SYT16: variants seen among roughly 807,000 people sequenced by gnomAD.
The protein encoded by SYT16 is synaptotagmin 16, also known as synaptotagmin-16.
In SYT16, 42 loss-of-function variants were observed where a neutral mutation model predicts 61.4. The observed-to-expected ratio is 0.68, with a 90% CI of 0.53 to 0.89. SYT16 has a LOEUF of 0.89. Among genes scored for constraint, SYT16 ranks in the 40% least tolerant of loss-of-function variants. The probability of loss-of-function intolerance (pLI) is 0.00; values close to 1 mark genes in which losing one functional copy is unlikely to be tolerated. For synonymous variants in SYT16, 314 were observed against 302.3 expected (o/e 1.04, Z -0.40); for missense variants, 804 against 807.3 (o/e 1.00, Z 0.05).
chr14:61,854,006 C>T (rs1475216081), intron 1 of SYT16, among the ~76,000 whole-genome samples: 2 of 152,108 alleles, frequency 1.3e-5, no homozygotes, highest in African/African-American at 4.8e-5. Context: ...AATCTATGAA[C>T]ATCATAGTTT....
chr14:61,913,706 G>GTGTGTGTGTGTGTA (rs1418622287), intron 1 of SYT16, among the ~76,000 whole-genome samples: 1 of 150,524 alleles, frequency 6.6e-6, no homozygotes, highest in African/African-American at 2.4e-5. Context: ...TTGGGTCTTT[G>GTGTGTGTGTGTGTA]TGTGTGTGTG....
intron 2 of SYT16, among the ~76,000 whole-genome samples, chr14:61,980,161 T>C (rs1484371106): frequency 6.6e-6 from 1 of 152,210 alleles, no homozygotes; most frequent in Non-Finnish European, 1.5e-5. Flanking sequence ...GTCCCTAGTG[T>C]GGAAGCACAC....
chr14:62,049,351 AT>A (rs1444163113), intron 3 of SYT16, among the ~76,000 whole-genome samples: 1 of 151,826 alleles, frequency 6.6e-6, no homozygotes, highest in Admixed American at 6.6e-5. Context: ...CCATCCCTTT[AT>A]TTTGAGCATA....
chr14:62,055,960 G>A (rs2140903457), intron 3 of SYT16, among the ~76,000 whole-genome samples: 1 of 152,208 alleles, frequency 6.6e-6, no homozygotes, highest in South Asian at 2.1e-4. Flanking sequence ...TGAAGAACTT[G>A]GAGTCCGACG....
At chr14:61,966,237 G>A (rs569525580) in intron 1 of SYT16, among the ~76,000 whole-genome samples, 2 of 151,866 alleles carry the variant, frequency 1.3e-5, no homozygotes, top group Admixed American at 1.3e-4. Flanking sequence ...AGATTATATT[G>A]AATAATCTCT....
intron 1 of SYT16, among the ~76,000 whole-genome samples, chr14:61,909,773 C>T (rs75497191): frequency 0.024 from 3,660 of 152,240 alleles, 52 homozygotes; most frequent in Admixed American, 0.031. Context: ...TGTAATGGCC[C>T]GAGTTAGCTG....
intron 7 of SYT16, among the ~76,000 whole-genome samples, chr14:62,086,584 A>G (rs2056895051): frequency 6.6e-6 from 1 of 152,242 alleles, no homozygotes. Flanking sequence ...AGTATAGTGT[A>G]TACTTTATAA....
intron 1 of SYT16, among the ~76,000 whole-genome samples, chr14:61,921,684 T>C (rs1162229758): frequency 4.6e-5 from 7 of 152,210 alleles, no homozygotes; most frequent in African/African-American, 1.7e-4. Flanking sequence ...ACCATTTTGT[T>C]TGGCCTCTTC....
intron 7 of SYT16, among the ~76,000 whole-genome samples, chr14:62,091,082 A>G (rs1595392861): frequency 2.0e-5 from 3 of 152,364 alleles, no homozygotes; most frequent in Middle Eastern, 6.8e-3. Flanking sequence ...CAGTCAAATC[A>G]TATCACATGG....
At chr14:62,084,420 TCCA>T (rs1327901749) in intron 7 of SYT16, 35 bp downstream of exon 7, 2 of 1,582,756 alleles carry the variant, frequency 1.3e-6, no homozygotes, top group South Asian at 2.3e-5. Flanking sequence ...CTCTGGTTCT[TCCA>T]GAGGCAAGTG....
intron 1 of SYT16, among the ~76,000 whole-genome samples, chr14:61,888,463 G>T (rs2047999357): frequency 6.6e-6 from 1 of 152,122 alleles, no homozygotes; most frequent in Non-Finnish European, 1.5e-5. Context: ...GAATAACTAA[G>T]TCCAAGAAAA....
chr14:61,962,629 C>G (rs192563277), intron 1 of SYT16, among the ~76,000 whole-genome samples: 7 of 152,116 alleles, frequency 4.6e-5, no homozygotes, highest in Admixed American at 4.6e-4. Flanking sequence ...TTTTGGACTT[C>G]CATAATGCAT....
chr14:61,972,545 G>A (rs2051605307), intron 2 of SYT16, among the ~76,000 whole-genome samples: 1 of 152,122 alleles, frequency 6.6e-6, no homozygotes, highest in African/African-American at 2.4e-5. Flanking sequence ...AAATTATAAT[G>A]TCTAAAAAGC....
intron 3 of SYT16, among the ~76,000 whole-genome samples, chr14:62,043,447 G>A (rs367784855): frequency 1.2e-4 from 16 of 130,866 alleles, no homozygotes; most frequent in Non-Finnish European, 2.2e-4. Context: ...TTTCTCTGTC[G>A]CCCAGGCTGG....
At chr14:61,989,502 G>A (rs2052459129) in intron 2 of SYT16, among the ~76,000 whole-genome samples, 1 of 152,206 alleles carries the variant, frequency 6.6e-6, no homozygotes, top group African/African-American at 2.4e-5. Flanking sequence ...GGTGGTTGTT[G>A]CAGTGAGCCG....
At chr14:61,918,996 G>A (rs573996085) in intron 1 of SYT16, among the ~76,000 whole-genome samples, 28 of 152,306 alleles carry the variant, frequency 1.8e-4, no homozygotes, top group Admixed American at 1.5e-3. Context: ...ATTCTTAGAA[G>A]AGACAGGTCC....
In SYT16 at chr14:62,101,199, T is replaced by C. The variant is rs1330123565; in HGVS notation, c.*492T>C. ...AATCAAACTCTAATCCATAAACTCTTATTTCACATTTTTCTCTTTATCAAA... is the reference window on the plus strand; with the variant it reads ...AATCAAACTCTAATCCATAAACTCTCATTTCACATTTTTCTCTTTATCAAA... On this transcript the variant is annotated 3_prime_UTR_variant, in exon 8 of 8. Coordinates refer to ENST00000683842, the MANE Select transcript of SYT16 (RefSeq NM_001367656.1). The C allele has an allele frequency of 1.3e-5, 2 of 152,840 alleles. No homozygotes were observed. Among genetic ancestry groups the C allele is most frequent in the African/African-American group, 4.8e-5 (2 of 41,468 alleles). 9.5% of individuals were successfully genotyped at this position (152,840 alleles called of 1,614,324 possible). A position where few individuals can be genotyped will look rare whatever the true frequency, so the allele number is the denominator to read the frequency against.
chr14:61,849,802 A>G (rs2046556690), intron 1 of SYT16, among the ~76,000 whole-genome samples: 1 of 152,070 alleles, frequency 6.6e-6, no homozygotes, highest in Non-Finnish European at 1.5e-5. Context: ...CCGATTTTTC[A>G]TTCTTATGTA....
chr14:61,909,636 T>C (rs2048852142), intron 1 of SYT16, among the ~76,000 whole-genome samples: 1 of 152,210 alleles, frequency 6.6e-6, no homozygotes, highest in African/African-American at 2.4e-5. Context: ...AAGACCCCTT[T>C]TTCCCAAGTA....
Sources: allele counts gnomAD v4.1 joint callset (sites outside exome capture counted in the v4.1 genomes callset), GRCh38; gene constraint gnomAD v4.1.1; transcripts MANE v1.5; gene names NCBI Gene and HGNC (gene_info 2026-07-23, HGNC 2026-07-21).